ELAVL4: variants seen among roughly 807,000 people sequenced by gnomAD.
The protein encoded by ELAVL4 is ELAV-like protein 4.
In ELAVL4, 1 loss-of-function variant was observed where a neutral mutation model predicts 35.6. The observed-to-expected ratio is 0.03, with a 90% confidence interval of 0.01 to 0.13. ELAVL4 has a LOEUF of 0.13. Ranked by LOEUF, ELAVL4 falls within the 10% of genes least tolerant of loss-of-function variation. ELAVL4 has a pLI of 1.00. For missense variants in ELAVL4, 267 were observed against 464.9 expected (o/e 0.57, Z 3.91); for synonymous variants, 156 against 171.0 (o/e 0.91, Z 0.69).
At chr1:50,049,666 T>C (rs1304182448) in intron 1 of ELAVL4, among the ~76,000 whole-genome samples, 3 of 152,128 alleles carry the variant, frequency 2.0e-5, no homozygotes, top group African/African-American at 2.4e-5. Context: ...GGGTCAACCA[T>C]GAGCAAGTGG....
chr1:50,121,818 T>C (rs1443100500), intron 1 of ELAVL4, among the ~76,000 whole-genome samples: 1 of 152,070 alleles, frequency 6.6e-6, no homozygotes, highest in Non-Finnish European at 1.5e-5. Flanking sequence ...ATGTTGGGGC[T>C]CTTTATTAAC....
chr1:50,128,073 C>T (rs1159932426), intron 1 of ELAVL4, among the ~76,000 whole-genome samples: 2 of 152,004 alleles, frequency 1.3e-5, no homozygotes, highest in Admixed American at 1.3e-4. Context: ...CTGTGAACCT[C>T]AAGATGGTAC....
At position 50,055,274 on chromosome 1, in the gene ELAVL4, GT is replaced by G. The variant is rs376454885; in HGVS notation, c.18+7102del. ...CTTCAAAGCATGATCAATTTGTTTT[GT>G]TTTTTTTTTGTTTTGTTTTTGTTTT... On this transcript the variant is annotated intron_variant, in intron 1 of 6. Transcript: ENST00000448907. Among the ~76,000 whole-genome samples the G allele has an allele frequency of 8.1e-3, 1,186 of 145,686 alleles. 9 individuals carry two copies. The highest frequency in any genetic ancestry group is 0.011 in the Admixed American group (161 of 14,592).
rs751205371 is a variant in ELAVL4 at position 50,195,624 on chromosome 1, A to G, written c.572A>G (p.Lys191Arg). Residue 191 changes from lysine to arginine, a missense_variant, in exon 5 of 7, where the codon AAA (lysine) becomes AGA (arginine). Physicochemically the swap from Lys to Arg is conservative, Grantham distance 26. Coordinates refer to ENST00000371824, the MANE Select transcript of ELAVL4 (RefSeq NM_001144774.3). ...DKRIEAEEAI[K>R]GLNGQKPSGA... ...AGGATTGAGGCAGAAGAAGCCATCA[A>G]AGGGCTGAATGGCCAGAAGCCCAGC... 35 of 1,614,068 alleles carry G rather than the reference A, an allele frequency of 2.2e-5. No individual in the cohort carries two copies. The highest frequency in any genetic ancestry group is 2.8e-5 in the Non-Finnish European group (33 of 1,180,026).
At chr1:50,104,083 G>A, upstream of ELAVL4, 1 of 1,497,620 alleles carries the variant, frequency 6.7e-7, no homozygotes, top group African/African-American at 1.4e-5. Context: ...TTGCCTTAGG[G>A]TAACAAGACT....
intron 1 of ELAVL4, among the ~76,000 whole-genome samples, chr1:50,113,833 C>T (rs1349631132): frequency 6.6e-6 from 1 of 152,074 alleles, no homozygotes; most frequent in Non-Finnish European, 1.5e-5. Flanking sequence ...AGCAGAGAGA[C>T]TCTGTGTGTA....
At chr1:50,077,097 T>G (rs1664797692) in intron 1 of ELAVL4, among the ~76,000 whole-genome samples, 1 of 152,124 alleles carries the variant, frequency 6.6e-6, no homozygotes. Flanking sequence ...TTATCCTCTT[T>G]CCTAAAGAAG....
chr1:50,122,805 A>G (rs1669252181), intron 1 of ELAVL4, among the ~76,000 whole-genome samples: 2 of 152,112 alleles, frequency 1.3e-5, no homozygotes, highest in African/African-American at 4.8e-5. Flanking sequence ...TATTTTTACA[A>G]TGCCATTTAC....
chr1:50,139,467 C>T (rs982562809), intron 1 of ELAVL4, among the ~76,000 whole-genome samples: 1 of 152,160 alleles, frequency 6.6e-6, no homozygotes, highest in Admixed American at 6.5e-5. Context: ...CCCTAATGTT[C>T]TCTGGTATCT....
upstream of ELAVL4, among the ~76,000 whole-genome samples, chr1:50,102,296 T>TAATAA (rs150940225): frequency 0.093 from 12,860 of 138,978 alleles, 1,102 homozygotes; most frequent in African/African-American, 0.22. Flanking sequence ...AAAAATAAAA[T>TAATAA]AATAAAATAA....
At chr1:50,165,924 G>C (rs898809517) in intron 2 of ELAVL4, among the ~76,000 whole-genome samples, 8 of 151,878 alleles carry the variant, frequency 5.3e-5, no homozygotes, top group African/African-American at 1.9e-4. Context: ...AGCAAGGAGA[G>C]CCAGTTCGAG....
chr1:50,200,995 T>C lies in ELAVL4; in HGVS notation c.918T>C (p.Phe306=), dbSNP rs1433758169. 3.1e-6 allele frequency: 5 copies of C among 1,614,068 alleles called. No homozygotes were observed. The highest frequency in any genetic ancestry group is 4.2e-6 in the Non-Finnish European group (5 of 1,179,998). The change falls in exon 7 of 7, where the codon TTT becomes TTC. Residue 306 remains phenylalanine (F), a synonymous_variant. Coordinates refer to ENST00000371824, the MANE Select transcript of ELAVL4 (RefSeq NM_001144774.3). ...ESVLWQLFGP[F]GAVNNVKVIR... is the part of the protein sequence containing the mutation. ...TCCTCTGGCAGCTCTTTGGCCCCTTTGGAGCAGTGAACAACGTAAAGGTGA... is the reference window on the plus strand; with the variant it reads ...TCCTCTGGCAGCTCTTTGGCCCCTTCGGAGCAGTGAACAACGTAAAGGTGA...
At chr1:50,200,809 A>G in intron 6 of ELAVL4, 42 bp from the exon 7 acceptor site, 2 of 1,595,112 alleles carry the variant, frequency 1.3e-6, no homozygotes, top group Non-Finnish European at 1.7e-6. Flanking sequence ...CCTTGGTCAG[A>G]CTGATGTCTG....
At chr1:50,116,528 A>G (rs1667992245) in intron 1 of ELAVL4, among the ~76,000 whole-genome samples, 1 of 152,082 alleles carries the variant, frequency 6.6e-6, no homozygotes, top group East Asian at 1.9e-4. Flanking sequence ...CTAAGCTGCC[A>G]GTCTAAACCC....
chr1:50,106,334 A>G, upstream of ELAVL4: 10 of 1,613,756 alleles, frequency 6.2e-6, no homozygotes, highest in Non-Finnish European at 8.5e-6. Context: ...GCTGACTGAT[A>G]TGAGATTACT....
Position 50,172,349 on chromosome 1 carries a change from T to C in ELAVL4, c.251-4740T>C, listed in dbSNP as rs530416866. Among the ~76,000 whole-genome samples the C allele has an allele frequency of 2.0e-5, 3 of 152,350 alleles. No homozygotes were observed. The South Asian group carries it at 6.2e-4, about 32-fold the overall frequency. The stretch of plus-strand genomic sequence containing the variant: ...AAACTACTGGAGATAATTTACTCTT[T>C]CACAGCAGATTCAAAAAGCCTCTGA... On this transcript the variant is annotated intron_variant, in intron 2 of 6. Coordinates refer to ENST00000371824, the MANE Select transcript of ELAVL4 (RefSeq NM_001144774.3).
chr1:50,175,679 C>T (rs781695784), intron 2 of ELAVL4: 2 of 152,190 alleles, frequency 1.3e-5, no homozygotes, highest in Non-Finnish European at 2.9e-5. Context: ...CTCTTTGCTC[C>T]ATCCTATAAC....
chr1:50,136,578 C>T (rs1434411814), intron 1 of ELAVL4, among the ~76,000 whole-genome samples: 1 of 152,086 alleles, frequency 6.6e-6, no homozygotes, highest in African/African-American at 2.4e-5. Flanking sequence ...AAAGAAAACA[C>T]CTTTACATAC....
At chr1:50,059,000 T>G (rs982697465) in intron 1 of ELAVL4, among the ~76,000 whole-genome samples, 2 of 152,284 alleles carry the variant, frequency 1.3e-5, no homozygotes, top group East Asian at 1.9e-4. Context: ...CAGAAAAATA[T>G]TGAATCTAGA....
Sources: gnomAD v4.1 joint callset for allele counts (sites outside exome capture counted in the v4.1 genomes callset) on GRCh38, gnomAD v4.1.1 for gene constraint, MANE v1.5 for transcripts, NCBI Gene and HGNC (gene_info 2026-07-23, HGNC 2026-07-21) for gene names.